Variants in NEDD9 observed in about 807,000 individuals in gnomAD.
NEDD9 encodes enhancer of filamentation 1.
In NEDD9, 26 loss-of-function variants were observed where a neutral mutation model predicts 76.6. The observed-to-expected ratio is 0.34, with a 90% CI of 0.25 to 0.47. NEDD9 has a LOEUF of 0.47. NEDD9 is among the 20% of genes least tolerant of loss of function. The pLI is 1.00. For synonymous variants in NEDD9, 392 were observed against 414.2 expected, an observed-to-expected ratio of 0.95 and a Z score of 0.65; for missense variants, 937 against 1,058.5, an observed-to-expected ratio of 0.89 and a Z score of 1.59.
intron 2 of NEDD9, among the ~76,000 whole-genome samples, chr6:11,330,164 G>A (rs1020150182): frequency 4.6e-5 from 7 of 152,318 alleles, no homozygotes; most frequent in Non-Finnish European, 7.4e-5. Context: ...TAGGCAGCAC[G>A]AGTCCATACA....
In NEDD9 at chr6:11,185,523, C is replaced by G; in HGVS notation, c.2144G>C (p.Cys715Ser). 1.9e-6 allele frequency: 3 copies of G among 1,614,188 alleles called. No individual in the cohort carries two copies. The highest frequency in any genetic ancestry group is 2.5e-6 in the Non-Finnish European group (3 of 1,180,042). ...GAGAAGGGAAATGAAATGGGTCTCACATTGGTCATAGTAGAAGCACAGCAA... is the reference window on the plus strand; with the variant it reads ...GAGAAGGGAAATGAAATGGGTCTCAGATTGGTCATAGTAGAAGCACAGCAA... ...RQLLCFYYDQ[C>S]ETHFISLLNA... The change falls in exon 7 of 7, where the codon TGT (cysteine) becomes TCT (serine). Residue 715 changes from cysteine to serine, a missense_variant. Transcript: ENST00000379446.
At chr6:11,293,325 C>T (rs2113380444) in intron 3 of NEDD9, among the ~76,000 whole-genome samples, 1 of 152,006 alleles carries the variant, frequency 6.6e-6, no homozygotes, top group South Asian at 2.1e-4. Context: ...GAGATTTGAA[C>T]CCAGACCTTT....
At chr6:11,197,081 C>T (rs1758311609) in intron 2 of NEDD9, among the ~76,000 whole-genome samples, 1 of 152,162 alleles carries the variant, frequency 6.6e-6, no homozygotes, top group Admixed American at 6.5e-5. Flanking sequence ...TGCTGAATTT[C>T]AGCTGAAGAC....
chr6:11,216,167 G>C (rs754482158), intron 1 of NEDD9, among the ~76,000 whole-genome samples: 4 of 152,210 alleles, frequency 2.6e-5, no homozygotes, highest in Non-Finnish European at 5.9e-5. Context: ...GGACTTCCCA[G>C]CAGTCCTCCT....
intron 1 of NEDD9, among the ~76,000 whole-genome samples, chr6:11,354,212 A>G (rs1762524384): frequency 6.6e-6 from 1 of 152,230 alleles, no homozygotes; most frequent in Admixed American, 6.5e-5. Context: ...GGGGCTATTT[A>G]TTCTTTGTGT....
At chr6:11,296,072 G>A (rs1276030703) in intron 3 of NEDD9, among the ~76,000 whole-genome samples, 1 of 152,106 alleles carries the variant, frequency 6.6e-6, no homozygotes, top group East Asian at 1.9e-4. Context: ...ATAAGAAGAG[G>A]AGATGAGGAC....
rs559416457 is a variant in NEDD9, at chr6:11,190,421, T to C, written c.1448A>G (p.Asn483Ser). Reference sequence around the variant, plus strand: ...TCGTTGCAGCTCCCGCTTCATCTTGTTGTGGAGGATGAGTTCCGGGAGGCA... The same window carrying C: ...TCGTTGCAGCTCCCGCTTCATCTTGCTGTGGAGGATGAGTTCCGGGAGGCA... ...AACLPELILH[N>S]KMKRELQRVE... The change falls in exon 5 of 7, where the codon AAC (asparagine) becomes AGC (serine). Residue 483 changes from asparagine to serine, a missense_variant. Transcript: ENST00000379446. This position sits in a 1 kb window ranked among gnomAD's most constrained non-coding sequence, Gnocchi z 5.8. The C allele has an allele frequency of 6.2e-7, 1 of 1,614,164 alleles. No individual in the cohort carries two copies. The highest frequency in any genetic ancestry group is 1.1e-5 in the South Asian group (1 of 91,084).
chr6:11,331,283 C>T lies in NEDD9; in HGVS notation c.-153+3218G>A, dbSNP rs957720892. ...ATAAAAATTGTTCTGTCCAGAGAGA[C>T]GCAAGTTGAGAGAGATGTAGGGCTG... On this transcript the variant is annotated intron_variant, in intron 2 of 3. Transcript: ENST00000397378. Among the ~76,000 whole-genome samples the T allele has an allele frequency of 3.5e-5, 5 of 144,450 alleles. No individual in the cohort carries two copies. The South Asian group carries it at 6.5e-4, about 19-fold the overall frequency. The allele number at this position is 144,450 out of a possible 152,430, so 94.8% of individuals were successfully genotyped here.
Position 11,267,830 on chromosome 6 carries a change from A to C in NEDD9, c.12+38162T>G, listed in dbSNP as rs1274730422. ...TAATTACCTTTGAATATTATATCTA[A>C]GGCTTATAATAGAAAGTTTATTTCT... On this transcript the variant is annotated intron_variant, in intron 3 of 3. Coordinates refer to the NEDD9 transcript ENST00000397378. Among the ~76,000 whole-genome samples the C allele has an allele frequency of 2.0e-5, 3 of 152,286 alleles. No homozygotes were observed. In the South Asian group the frequency reaches 6.2e-4, roughly 32 times the overall value.
intron 1 of NEDD9, among the ~76,000 whole-genome samples, chr6:11,369,171 C>T (rs1019039917): frequency 1.3e-5 from 2 of 152,198 alleles, no homozygotes; most frequent in Non-Finnish European, 2.9e-5. Flanking sequence ...ATGATCATTT[C>T]CCCAACTTAT....
chr6:11,319,390 T>TCA (rs767574861), intron 2 of NEDD9, among the ~76,000 whole-genome samples: 3 of 127,216 alleles, frequency 2.4e-5, no homozygotes, highest in Admixed American at 9.5e-5. Context: ...AGTCTCACAC[T>TCA]CACACACACT....
At chr6:11,196,221 G>A (rs1021108159) in intron 2 of NEDD9, among the ~76,000 whole-genome samples, 2 of 151,956 alleles carry the variant, frequency 1.3e-5, no homozygotes, top group Non-Finnish European at 2.9e-5. Context: ...GGAGAATGGC[G>A]TGAACCTGGG....
intron 3 of NEDD9, among the ~76,000 whole-genome samples, chr6:11,290,017 C>G (rs1349206709): frequency 6.6e-6 from 1 of 152,124 alleles, no homozygotes; most frequent in African/African-American, 2.4e-5. Context: ...CTAACTGTTC[C>G]ATTAGCACTT....
chr6:11,232,857 G>C (rs753001630), upstream of NEDD9, among the ~76,000 whole-genome samples: 5 of 152,128 alleles, frequency 3.3e-5, no homozygotes, highest in Non-Finnish European at 7.3e-5. Context: ...AGAAAGTGGG[G>C]AACCGTCCTG....
At chr6:11,313,327 A>ATGGG (rs1761433969) in intron 2 of NEDD9, among the ~76,000 whole-genome samples, 1 of 150,734 alleles carries the variant, frequency 6.6e-6, no homozygotes, top group African/African-American at 2.4e-5. Flanking sequence ...GAACGGATGG[A>ATGGG]TGGGTGGATA....
intron 1 of NEDD9, among the ~76,000 whole-genome samples, chr6:11,353,905 C>T (rs1346852167): frequency 6.6e-6 from 1 of 152,142 alleles, no homozygotes; most frequent in Non-Finnish European, 1.5e-5. Flanking sequence ...GAAAGGGACT[C>T]AAATGAATGT....
chr6:11,237,259 G>T (rs886652238), upstream of NEDD9, among the ~76,000 whole-genome samples: 6 of 152,194 alleles, frequency 3.9e-5, no homozygotes, highest in Non-Finnish European at 5.9e-5. The surrounding 1 kb of genome is among the most constrained non-coding windows in gnomAD (Gnocchi z 4.9). Flanking sequence ...TGTTCTTGGG[G>T]AACAGGGTGG....
At chr6:11,350,608 A>G (rs1243469930) in intron 1 of NEDD9, among the ~76,000 whole-genome samples, 1 of 152,184 alleles carries the variant, frequency 6.6e-6, no homozygotes, top group East Asian at 1.9e-4. Flanking sequence ...CTCAGAGTGG[A>G]CAGGATCTTA....
At position 11,191,339 on chromosome 6, in the gene NEDD9, G is replaced by A. The variant is rs985923713; in HGVS notation, c.664-134C>T. The stretch of plus-strand genomic sequence containing the variant: ...CGCCCCAATGTTAGGCACTTCCAAG[G>A]TTCCCCGTTATTCTGCTGTCACTTC... On this transcript the variant is annotated intron_variant, in intron 4 of 6. Transcript: ENST00000379446. 5 of 911,236 alleles carry A rather than the reference G, an allele frequency of 5.5e-6. No individual in the cohort carries two copies. The East Asian group carries it at 1.3e-4, about 24-fold the overall frequency. The allele number at this position is 911,236 out of a possible 1,614,324, so 56.4% of individuals were successfully genotyped here.
Sources: allele counts gnomAD v4.1 joint callset (sites outside exome capture counted in the v4.1 genomes callset), GRCh38; gene constraint gnomAD v4.1.1; non-coding constraint Gnocchi (gnomAD v3.1); transcripts MANE v1.5; gene names NCBI Gene and HGNC (gene_info 2026-07-23, HGNC 2026-07-21).